BCO1: variants seen among roughly 807,000 people sequenced by gnomAD.
BCO1 encodes beta,beta-carotene 15,15'-dioxygenase.
Under a neutral mutation model 56.3 loss-of-function variants are expected in BCO1, and 54 were observed. The ratio of observed to expected loss-of-function variants is 0.96; its 90% CI spans 0.77 to 1.20. The LOEUF (loss-of-function observed/expected upper bound fraction) is 1.20, where lower values mean the gene tolerates loss of function less well. Ranked by LOEUF, BCO1 falls within the 50% of genes most tolerant of loss-of-function variation. The pLI is 0.00. For missense variants in BCO1, 801 were observed against 690.9 expected (o/e 1.16, Z -1.79); for synonymous variants, 318 against 266.1 (o/e 1.20, Z -1.90).
At chr16:81,285,721 T>C in intron 9 of BCO1, 87 bp downstream of exon 9, 1 of 1,044,308 alleles carries the variant, frequency 9.6e-7, no homozygotes, top group East Asian at 2.4e-5. Context: ...AGACGTTGAT[T>C]AGAAAAGAGG....
chr16:81,265,583 AC>A (rs1906765948), intron 5 of BCO1, among the ~76,000 whole-genome samples: 1 of 121,668 alleles, frequency 8.2e-6, no homozygotes, highest in African/African-American at 3.2e-5. Flanking sequence ...CTTCCCACCC[AC>A]CCATCCATCC....
At chr16:81,278,627 T>C (rs1184369060) in intron 7 of BCO1, among the ~76,000 whole-genome samples, 2 of 152,116 alleles carry the variant, frequency 1.3e-5, no homozygotes, top group African/African-American at 4.8e-5. Flanking sequence ...GCCAGTGCCT[T>C]GGAGACACTG....
chr16:81,284,046 A>T (rs1908027252), intron 8 of BCO1, among the ~76,000 whole-genome samples: 1 of 150,746 alleles, frequency 6.6e-6, no homozygotes, highest in Admixed American at 6.6e-5. Flanking sequence ...AAAAAAAAGT[A>T]GCCGGATGTG....
chr16:81,270,355 A>G lies in BCO1; in HGVS notation c.1040A>G (p.Asn347Ser). The G allele has an allele frequency of 6.2e-7, 1 of 1,613,886 alleles. No homozygotes were observed. The highest frequency in any genetic ancestry group is 8.5e-7 in the Non-Finnish European group (1 of 1,179,972). The change falls in exon 7 of 11, where the codon AAC becomes AGC. Residue 347 changes from asparagine to serine, a missense_variant. Physicochemically the swap from Asn to Ser is conservative, Grantham distance 46 (BLOSUM62 1). Coordinates refer to ENST00000258168, the MANE Select transcript of BCO1 (RefSeq NM_017429.3). The stretch of plus-strand genomic sequence containing the variant: ...AACCTGAACCAGGACTTCAAGGAGA[A>G]CTCCAGGCTCACCTCGGTCCCCACC... ...LANLNQDFKENSRLTSVPTLR... is the reference protein window; with the variant it reads ...LANLNQDFKESSRLTSVPTLR...
At chr16:81,267,850 T>C (rs1403009531) in intron 5 of BCO1, 58 bp from the exon 6 acceptor site, 1 of 1,473,180 alleles carries the variant, frequency 6.8e-7, no homozygotes, top group Non-Finnish European at 9.5e-7. Flanking sequence ...GGTGGTGTGG[T>C]CTTGGGGGGG....
chr16:81,289,340 C>T (rs1312981966), intron 10 of BCO1, among the ~76,000 whole-genome samples: 1 of 152,060 alleles, frequency 6.6e-6, no homozygotes, highest in East Asian at 1.9e-4. Flanking sequence ...TGAATTGGGC[C>T]CATTGAAATG....
rs147813781 is a variant in BCO1 at position 81,264,649 on chromosome 16, C to T, written c.481C>T (p.Arg161Cys). The T allele has an allele frequency of 1.8e-3, 2,858 of 1,614,026 alleles. 7 individuals are homozygous for T. The highest frequency in any genetic ancestry group is 2.1e-3 in the Non-Finnish European group (2,443 of 1,179,920). ...GTGTCATATCTTGCAGGTTGATTATCGTAAATACGTGGCGGTAAATCTGGC... is the reference window on the plus strand; with the variant it reads ...GTGTCATATCTTGCAGGTTGATTATTGTAAATACGTGGCGGTAAATCTGGC... ...TLETLEKVDY[R>C]KYVAVNLATS... Residue 161 changes from arginine (R) to cysteine (C), a missense_variant, in exon 5 of 11, where the codon CGT (arginine) becomes TGT (cysteine). Arg to Cys is a radical substitution (Grantham distance 180, BLOSUM62 -3). Transcript: ENST00000258168.
rs1442900384 is a variant in BCO1 at position 81,264,633 on chromosome 16, C to A, written c.472-7C>A. On this transcript the variant is annotated splice_polypyrimidine_tract_variant and splice_region_variant and intron_variant, in intron 4 of 10. Coordinates refer to ENST00000258168, the MANE Select transcript of BCO1 (RefSeq NM_017429.3). ...CTTTAAAAAACAGGAGGTGTCATAT[C>A]TTGCAGGTTGATTATCGTAAATACG... The A allele has an allele frequency of 5.6e-6, 9 of 1,613,778 alleles. No homozygotes were observed. The highest frequency in any genetic ancestry group is 7.6e-6 in the Non-Finnish European group (9 of 1,179,794).
In BCO1 at chr16:81,269,065, C is replaced by CTTTTTT. The variant is rs71146003; in HGVS notation, c.843+952_843+957dup. Among the ~76,000 whole-genome samples the CTTTTTT allele has an allele frequency of 4.8e-4, 40 of 83,088 alleles. 3 individuals carry two copies. The highest frequency in any genetic ancestry group is 1.5e-3 in the African/African-American group (27 of 17,890). The allele number at this position is 83,088 out of a possible 152,430, so 54.5% of individuals were successfully genotyped here. ...ACATGTGTGAGCCATTGCACCTGGT[C>CTTTTTT]TTTTTTTTTTTTTTTTTTTTTTTGC... is the stretch of plus-strand genomic sequence containing the variant. On this transcript the variant is annotated intron_variant, in intron 6 of 10. Transcript: ENST00000258168.
Position 81,268,130 on chromosome 16 carries a change from A to G in BCO1, c.842A>G (p.Lys281Arg). Residue 281 changes from lysine to arginine, a missense_variant and splice_region_variant, in exon 6 of 11, where the codon AAG becomes AGG. Physicochemically the swap from Lys to Arg is conservative, Grantham distance 26 (BLOSUM62 2). Transcript: ENST00000258168. The part of the protein sequence containing the change: ...ASCLAFHREE[K>R]TYIHIIDQRT... The stretch of plus-strand genomic sequence containing the variant: ...TGCCTGGCTTTCCACAGGGAGGAGA[A>G]GGTGAGGTCTGGCTGGACTCTAGCC... 6.2e-7 allele frequency: 1 copy of G among 1,607,168 alleles called. No individual in the cohort carries two copies. The highest frequency in any genetic ancestry group is 8.5e-7 in the Non-Finnish European group (1 of 1,179,770).
At chr16:81,270,782 TCACCCAGGCTGGAGTGCAG>T (rs1373083572) in intron 7 of BCO1, among the ~76,000 whole-genome samples, 13 of 151,892 alleles carry the variant, frequency 8.6e-5, no homozygotes, top group African/African-American at 3.1e-4. Flanking sequence ...TCTCGCTCTG[TCACCCAGGCTGGAGTGCAG>T]TGTTGCGATC....
intron 2 of BCO1, among the ~76,000 whole-genome samples, chr16:81,246,242 G>GACTAACCCTA (rs1169739828): frequency 2.6e-5 from 4 of 151,568 alleles, no homozygotes; most frequent in Admixed American, 6.6e-5. Flanking sequence ...CTCTTATAAG[G>GACTAACCCTA]ACCCTTGTGA....
In BCO1 at chr16:81,290,500, T is replaced by C. The variant is rs1908402670; in HGVS notation, c.1567T>C (p.Trp523Arg). ...TGGATTATTCATTACAGACATGGAC[T>C]GGGACACAAAAAAGCAGGCCGCTTC... ...LHGLFITDMD[W>R]DTKKQAASEE... The change falls in exon 11 of 11, where the codon TGG becomes CGG. Residue 523 changes from tryptophan (W) to arginine (R), a missense_variant. Transcript: ENST00000258168. The C allele has an allele frequency of 1.9e-6, 3 of 1,614,168 alleles. No individual in the cohort carries two copies. Among genetic ancestry groups the C allele is most frequent in the South Asian group, 1.1e-5 (1 of 91,084 alleles).
At chr16:81,248,405 C>CAAAAAAAAAAAAAAAAAAA (rs372084002) in intron 2 of BCO1, among the ~76,000 whole-genome samples, 17 of 102,784 alleles carry the variant, frequency 1.7e-4, no homozygotes, top group African/African-American at 7.2e-4. Flanking sequence ...CTCCCTCTCA[C>CAAAAAAAAAAAAAAAAAAA]AAAAAAAAAA....
intron 4 of BCO1, chr16:81,262,664 C>G (rs927683994): frequency 2.2e-5 from 7 of 323,300 alleles, no homozygotes; most frequent in Non-Finnish European, 3.6e-5. Context: ...CCCATCTCTA[C>G]CAAAAATACA....
intron 6 of BCO1, among the ~76,000 whole-genome samples, chr16:81,268,538 G>GC (rs1906979637): frequency 1.3e-5 from 2 of 152,278 alleles, no homozygotes; most frequent in East Asian, 3.9e-4. Flanking sequence ...AGCGGCCAGA[G>GC]GTTTAGACAT....
intron 2 of BCO1, among the ~76,000 whole-genome samples, chr16:81,255,282 G>A (rs1198623334): frequency 6.6e-6 from 1 of 152,126 alleles, no homozygotes; most frequent in Non-Finnish European, 1.5e-5. Context: ...CCCATTGCTG[G>A]CCTTCGACTC....
At chr16:81,242,836 T>A (rs1045384678) in intron 1 of BCO1, among the ~76,000 whole-genome samples, 4 of 152,084 alleles carry the variant, frequency 2.6e-5, no homozygotes, top group South Asian at 4.1e-4. Flanking sequence ...CTCAGATCGG[T>A]GGCATTAGAT....
intron 7 of BCO1, among the ~76,000 whole-genome samples, chr16:81,276,835 G>A (rs1907584995): frequency 6.6e-6 from 1 of 152,080 alleles, no homozygotes; most frequent in South Asian, 2.1e-4. Context: ...GGGAGGCCAA[G>A]CCAGGCAGAT....
Sources: allele counts gnomAD v4.1 joint callset (sites outside exome capture counted in the v4.1 genomes callset), GRCh38; gene constraint gnomAD v4.1.1; transcripts MANE v1.5; gene names NCBI Gene and HGNC (gene_info 2026-07-23, HGNC 2026-07-21).